KLF8: variants seen among roughly 807,000 people sequenced by gnomAD.
KLF8 encodes the protein Krueppel-like factor 8.
In KLF8, 10 loss-of-function variants were observed where a neutral mutation model predicts 18.2. The ratio of observed to expected loss-of-function variants is 0.55; its 90% CI spans 0.34 to 0.93. KLF8 has a LOEUF of 0.93. Ranked by LOEUF, KLF8 falls within the 40% of genes least tolerant of loss-of-function variation. The pLI is 0.02. For missense variants in KLF8, 264 were observed against 277.9 expected (o/e 0.95, Z 0.36); for synonymous variants, 109 against 97.3 (o/e 1.12, Z -0.71).
chrX:55,911,066 T>C, the KLF8 span, among the ~76,000 whole-genome samples: 1 of 112,021 alleles, frequency 8.9e-6, no homozygotes, highest in African/African-American at 3.2e-5. Context: ...TAATATACAT[T>C]TTGTAAGTTA....
At chrX:56,006,316 A>T in the KLF8 span, among the ~76,000 whole-genome samples, 7 of 111,867 alleles carry the variant, frequency 6.3e-5, no homozygotes, top group East Asian at 2.0e-3. Context: ...TCACCTGTTT[A>T]ACTCACCCCT....
the KLF8 span, among the ~76,000 whole-genome samples, chrX:55,940,675 A>C: frequency 3.6e-5 from 4 of 111,923 alleles, no homozygotes; most frequent in Admixed American, 1.9e-4. Flanking sequence ...GCAACCTCAG[A>C]AAAGTCTCAG....
the KLF8 span, among the ~76,000 whole-genome samples, chrX:56,217,830 G>A: frequency 9.0e-6 from 1 of 111,717 alleles, no homozygotes; most frequent in Non-Finnish European, 1.9e-5. Context: ...TTAGGATTGG[G>A]AATGTGGATA....
the KLF8 span, among the ~76,000 whole-genome samples, chrX:56,058,223 T>TATACAC: frequency 5.8e-5 from 4 of 68,830 alleles, no homozygotes; most frequent in African/African-American, 3.2e-4. Context: ...TATACGTGTA[T>TATACAC]ATATATATAC....
At chrX:56,010,353 A>C in the KLF8 span, among the ~76,000 whole-genome samples, 1 of 108,756 alleles carries the variant, frequency 9.2e-6, no homozygotes, top group Non-Finnish European at 1.9e-5. Flanking sequence ...TTTCATATTC[A>C]GTCAAACTAA....
At chrX:56,225,007 A>G in the KLF8 span, among the ~76,000 whole-genome samples, 7 of 110,920 alleles carry the variant, frequency 6.3e-5, no homozygotes, top group Non-Finnish European at 1.3e-4. Flanking sequence ...TTATAAGGAC[A>G]CTATTCTCAT....
chrX:56,214,049 A>T, the KLF8 span, among the ~76,000 whole-genome samples: 1 of 111,295 alleles, frequency 9.0e-6, no homozygotes, highest in Admixed American at 9.5e-5. Flanking sequence ...TCTTCTCTGA[A>T]GTCCTGCCAT....
upstream of KLF8, among the ~76,000 whole-genome samples, chrX:56,229,385 G>C (rs749722969): frequency 8.9e-6 from 1 of 112,004 alleles, no homozygotes; most frequent in South Asian, 3.8e-4. Context: ...TCTCCCTCAC[G>C]CATAAGGTGG....
chrX:56,111,530 G>T, the KLF8 span, among the ~76,000 whole-genome samples: 1 of 112,154 alleles, frequency 8.9e-6, no homozygotes, highest in Non-Finnish European at 1.9e-5. Context: ...ACTATCATCA[G>T]AGTGAACAAG....
At chrX:56,064,582 T>C in the KLF8 span, among the ~76,000 whole-genome samples, 11 of 111,766 alleles carry the variant, frequency 9.8e-5, no homozygotes, top group Non-Finnish European at 2.1e-4. Flanking sequence ...GTTTTATATA[T>C]TCTTTGTTTC....
At chrX:56,185,632 G>T in the KLF8 span, among the ~76,000 whole-genome samples, 3 of 111,770 alleles carry the variant, frequency 2.7e-5, no homozygotes, top group Non-Finnish European at 5.6e-5. Flanking sequence ...GAGAAAGGTC[G>T]AGTTACCTAC....
At chrX:56,037,555 G>A in the KLF8 span, among the ~76,000 whole-genome samples, 1 of 111,258 alleles carries the variant, frequency 9.0e-6, no homozygotes, top group African/African-American at 3.3e-5. Context: ...ACCTTCCTTT[G>A]TTGGGATTAT....
At chrX:55,945,130 G>C in the KLF8 span, among the ~76,000 whole-genome samples, 145 of 111,205 alleles carry the variant, frequency 1.3e-3, no homozygotes, top group Non-Finnish European at 1.5e-3. Context: ...TTTCCATGTA[G>C]TTGAGTGGTT....
chrX:56,158,894 A>G, the KLF8 span, among the ~76,000 whole-genome samples: 1 of 111,341 alleles, frequency 9.0e-6, no homozygotes, highest in Admixed American at 9.6e-5. Context: ...CTCCTGCCTG[A>G]TTGCCCTGGC....
chrX:56,031,472 C>T, the KLF8 span, among the ~76,000 whole-genome samples: 1 of 112,210 alleles, frequency 8.9e-6, no homozygotes, highest in African/African-American at 3.2e-5. Flanking sequence ...GATGTCTGGA[C>T]TCCAAGTGCC....
chrX:56,209,025 G>C, the KLF8 span, among the ~76,000 whole-genome samples: 1 of 111,514 alleles, frequency 9.0e-6, no homozygotes, highest in Non-Finnish European at 1.9e-5. Flanking sequence ...TTGATTTTCC[G>C]TCTAGAAGAT....
Position 56,284,524 on chromosome X carries a change from C to T in KLF8, c.*30C>T, listed in dbSNP as rs957583189. ...CACAGGTCACACTAGAGAAGCTGCG[C>T]TGGTATCTTTCCTGGTCGTGTGCTG... On this transcript the variant is annotated 3_prime_UTR_variant, in exon 6 of 6. Coordinates refer to ENST00000468660, the MANE Select transcript of KLF8 (RefSeq NM_007250.5). The T allele has an allele frequency of 2.8e-6, 3 of 1,080,268 alleles. No homozygotes were observed. Among genetic ancestry groups the T allele is most frequent in the Non-Finnish European group, 3.6e-6 (3 of 822,131 alleles). 89.0% of individuals were successfully genotyped at this position (1,080,268 alleles called of 1,213,427 possible).
chrX:56,205,807 C>A, the KLF8 span, among the ~76,000 whole-genome samples: 1 of 111,612 alleles, frequency 9.0e-6, no homozygotes, highest in Non-Finnish European at 1.9e-5. Flanking sequence ...TACTGGGAGA[C>A]TTTTTAATAC....
At chrX:56,048,882 G>C in the KLF8 span, among the ~76,000 whole-genome samples, 1 of 111,434 alleles carries the variant, frequency 9.0e-6, no homozygotes, top group Non-Finnish European at 1.9e-5. Context: ...TCATGATATT[G>C]ATTCTTCCTA....
Sources: gnomAD v4.1 joint callset for allele counts (sites outside exome capture counted in the v4.1 genomes callset) on GRCh38, gnomAD v4.1.1 for gene constraint, MANE v1.5 for transcripts, NCBI Gene and HGNC (gene_info 2026-07-23, HGNC 2026-07-21) for gene names.